PCDH1: variants seen among roughly 807,000 people sequenced by gnomAD.
The protein encoded by PCDH1 is protocadherin-1.
A neutral mutation model predicts 74.6 loss-of-function variants in PCDH1; 23 were observed. That is an observed-to-expected ratio of 0.31 (90% CI 0.22 to 0.44). PCDH1 has a LOEUF of 0.44. Ranked by LOEUF, PCDH1 falls within the 20% of genes least tolerant of loss-of-function variation. PCDH1 has a pLI of 1.00. For synonymous variants in PCDH1, 647 were observed against 686.1 expected (o/e 0.94, Z 0.89); for missense variants, 1,214 against 1,641.4 (o/e 0.74, Z 4.50).
At position 141,864,836 on chromosome 5, in the gene PCDH1, C is replaced by G; in HGVS notation, c.1495G>C (p.Val499Leu). Residue 499 changes from valine (V) to leucine (L), a missense_variant, in exon 3 of 5, where the codon GTC becomes CTC. By Grantham distance (32) the Val-to-Leu change is conservative (BLOSUM62 1). Around this residue, in one of 4 missense-constraint regions of PCDH1, gnomAD observed 836 missense variants for 1,182.2 expected, o/e 0.71. Transcript: ENST00000287008. This position sits in a 1 kb window ranked among gnomAD's most constrained non-coding sequence, Gnocchi z 5.9. The part of the protein sequence containing the change: ...TNSLKVQVVD[V>L]NDNAPVFTQS... ...GTGAAGACAGGTGCGTTGTCATTGACGTCCACCACCTGCACCTTGAGGGAG... is the reference window on the plus strand; with the variant it reads ...GTGAAGACAGGTGCGTTGTCATTGAGGTCCACCACCTGCACCTTGAGGGAG... 1 of 1,614,212 alleles carries G rather than the reference C, an allele frequency of 6.2e-7. No individual in the cohort carries two copies. The highest frequency in any genetic ancestry group is 1.1e-5 in the South Asian group (1 of 91,082).
Position 141,863,497 on chromosome 5 carries a change from G to A in PCDH1, c.2834C>T (p.Ala945Val), listed in dbSNP as rs972785562. 3 of 1,611,444 alleles carry A rather than the reference G, an allele frequency of 1.9e-6. No homozygotes were observed. Among genetic ancestry groups the A allele is most frequent in the East Asian group, 2.2e-5 (1 of 44,830 alleles). The change falls in exon 3 of 5, where the codon GCC becomes GTC. Residue 945 changes from alanine (A) to valine (V), a missense_variant. Ala to Val is a moderately conservative substitution (Grantham distance 64). Around this residue, in one of 4 missense-constraint regions of PCDH1, gnomAD observed 836 missense variants for 1,182.2 expected, o/e 0.71. Coordinates refer to ENST00000287008, the MANE Select transcript of PCDH1 (RefSeq NM_032420.5). The surrounding 1 kb of genome is among the most constrained non-coding windows in gnomAD (Gnocchi z 7.5). Reference protein sequence around the residue: ...KSLKFNLMSDAPGDSPRIHLP... With the variant: ...KSLKFNLMSDVPGDSPRIHLP... ...GTGGATGCGGGGACTGTCCCCAGGG[G>A]CATCGCTCATCAGGTTGAACTTGAG...
intron 3 of PCDH1, among the ~76,000 whole-genome samples, chr5:141,862,432 G>C (rs1473444907): frequency 6.6e-6 from 1 of 152,138 alleles, no homozygotes; most frequent in Admixed American, 6.5e-5. Context: ...ACCTCCATTT[G>C]AAGGCTGGTC....
At position 141,854,478 on chromosome 5, in the gene PCDH1, C is replaced by A. The variant is rs185600926; in HGVS notation, c.3320-42G>T. 4,927 of 1,558,044 alleles carry A rather than the reference C, an allele frequency of 3.2e-3. 15 individuals are homozygous for A. The highest frequency in any genetic ancestry group is 4.0e-3 in the Non-Finnish European group (4,589 of 1,149,842). On this transcript the variant is annotated intron_variant, in intron 4 of 4. Coordinates refer to ENST00000287008, the MANE Select transcript of PCDH1 (RefSeq NM_032420.5). ...GGAAGGACAATTGTCAGACATACAGCCTCTGCAAAGCTCTGCTTCATGGCC... is the reference window on the plus strand; with the variant it reads ...GGAAGGACAATTGTCAGACATACAGACTCTGCAAAGCTCTGCTTCATGGCC...
At chr5:141,855,183 C>G (rs933415044) in intron 4 of PCDH1, among the ~76,000 whole-genome samples, 1 of 151,920 alleles carries the variant, frequency 6.6e-6, no homozygotes, top group Non-Finnish European at 1.5e-5. Context: ...CCATGTTGCC[C>G]AGGCTGGTCT....
chr5:141,854,058 C>A lies in PCDH1; in HGVS notation c.3698G>T (p.Arg1233Leu), dbSNP rs751582329. 6 of 1,501,576 alleles carry A rather than the reference C, an allele frequency of 4.0e-6. No homozygotes were observed. The African/African-American group carries it at 5.6e-5, about 14-fold the overall frequency. The allele number at this position is 1,501,576 out of a possible 1,614,324, so 93.0% of individuals were successfully genotyped here. Residue 1233 changes from arginine to leucine, a missense_variant, in exon 5 of 5, where the codon CGC (arginine) becomes CTC (leucine). By Grantham distance (102) the Arg-to-Leu change is moderately radical. Coordinates refer to ENST00000287008, the MANE Select transcript of PCDH1 (RefSeq NM_032420.5). Reference protein sequence around the residue: ...ATPASAQTAKREIYL With the variant: ...ATPASAQTAKLEIYL ...GTAGGGGGCTCACAGGTAGATCTCG[C>A]GCTTGGCCGTCTGGGCAGATGCCGG...
chr5:141,869,859 A>T lies in PCDH1; in HGVS notation c.41-428T>A. On this transcript the variant is annotated intron_variant, in intron 1 of 4. Transcript: ENST00000287008. The surrounding 1 kb of genome is among the most constrained non-coding windows in gnomAD (Gnocchi z 4.9). ...CCTTGATACTGAGATAGGGAGAGAG[A>T]GCCAGTGGAAGGGTGAGACCTCGAG... 1.0e-6 allele frequency: 1 copy of T among 954,102 alleles called. No homozygotes were observed. The highest frequency in any genetic ancestry group is 1.8e-5 in the African/African-American group (1 of 56,748). 59.1% of individuals were successfully genotyped at this position (954,102 alleles called of 1,614,324 possible).
intron 1 of PCDH1, among the ~76,000 whole-genome samples, chr5:141,872,139 C>G (rs1249099180): frequency 1.4e-5 from 2 of 145,972 alleles, no homozygotes; most frequent in Admixed American, 1.4e-4. Flanking sequence ...CCCCCCCCCT[C>G]CACCTGCATG....
Position 141,868,609 on chromosome 5 carries a change from T to G in PCDH1, c.863A>C (p.Glu288Ala). The change falls in exon 2 of 5, where the codon GAA becomes GCA. Residue 288 changes from glutamate to alanine, a missense_variant. By Grantham distance (107) the Glu-to-Ala change is moderately radical. This residue lies in a region of PCDH1 where 836 missense variants were observed against 1,182.2 expected (regional missense o/e 0.71). Transcript: ENST00000287008. This position sits in a 1 kb window ranked among gnomAD's most constrained non-coding sequence, Gnocchi z 4.8. ...PKFERPSYEA[E>A]LSENSPIGHS... ...GCCTATGGGGCTATTCTCAGATAGTTCGGCCTCATAGGAGGGCCGCTCAAA... is the reference window on the plus strand; with the variant it reads ...GCCTATGGGGCTATTCTCAGATAGTGCGGCCTCATAGGAGGGCCGCTCAAA... The G allele has an allele frequency of 1.3e-6, 2 of 1,577,088 alleles. 1 individual carries two copies. Among genetic ancestry groups the G allele is most frequent in the Middle Eastern group, 3.4e-4 (2 of 5,856 alleles).
At chr5:141,870,321 C>T (rs1753059129) in intron 1 of PCDH1, among the ~76,000 whole-genome samples, 1 of 152,204 alleles carries the variant, frequency 6.6e-6, no homozygotes, top group African/African-American at 2.4e-5. Flanking sequence ...TGCACAGTTG[C>T]TAGGGCTCCT....
rs758154865 is a variant in PCDH1 at position 141,854,160 on chromosome 5, T to C, written c.3596A>G (p.His1199Arg). 6.2e-7 allele frequency: 1 copy of C among 1,604,600 alleles called. No individual in the cohort carries two copies. The highest frequency in any genetic ancestry group is 1.1e-5 in the South Asian group (1 of 90,368). ...PSYSAFSHSSHDSCKDSATLE... is the reference protein window; with the variant it reads ...PSYSAFSHSSRDSCKDSATLE... Reference sequence around the variant, plus strand: ...GGTGGCCGAGTCCTTGCAGGAATCATGGCTACTGTGGGAGAAGGCACTGTA... The same window carrying C: ...GGTGGCCGAGTCCTTGCAGGAATCACGGCTACTGTGGGAGAAGGCACTGTA... Residue 1199 changes from histidine to arginine, a missense_variant, in exon 5 of 5, where the codon CAT (histidine) becomes CGT (arginine). This residue lies in a region of PCDH1 where 194 missense variants were observed against 198.3 expected (regional missense o/e 0.98). Transcript: ENST00000287008.
intron 3 of PCDH1, among the ~76,000 whole-genome samples, chr5:141,860,513 AAAAG>A (rs1220133619): frequency 6.6e-6 from 1 of 151,822 alleles, no homozygotes; most frequent in Non-Finnish European, 1.5e-5. Context: ...AAAAAAAAAA[AAAAG>A]GTTAAACGAA....
chr5:141,872,865 C>G (rs1753127482), intron 1 of PCDH1, among the ~76,000 whole-genome samples: 1 of 152,118 alleles, frequency 6.6e-6, no homozygotes, highest in African/African-American at 2.4e-5. Flanking sequence ...GGGGAAAGGT[C>G]CCAGAAAGTA....
rs1352598082 is a variant in PCDH1 at position 141,869,762 on chromosome 5, T to C, written c.41-331A>G. 5.1e-6 allele frequency: 5 copies of C among 985,322 alleles called. No homozygotes were observed. Among genetic ancestry groups the C allele is most frequent in the Non-Finnish European group, 4.8e-6 (4 of 829,934 alleles). 61.0% of individuals were successfully genotyped at this position (985,322 alleles called of 1,614,324 possible). A position where few individuals can be genotyped will look rare whatever the true frequency, so the allele number is the denominator to read the frequency against. On this transcript the variant is annotated intron_variant, in intron 1 of 4. Transcript: ENST00000287008. The surrounding 1 kb of genome is among the most constrained non-coding windows in gnomAD (Gnocchi z 4.9). Reference sequence around the variant, plus strand: ...CGCCCTCTTTCCTTCTTTTCCTCCTTGCTCTCTGCTCTGTGCTTCACCCAA... The same window carrying C: ...CGCCCTCTTTCCTTCTTTTCCTCCTCGCTCTCTGCTCTGTGCTTCACCCAA...
In PCDH1 at chr5:141,866,760, A is replaced by T. The variant is rs560645442; in HGVS notation, c.904-1333T>A. 2.0e-5 allele frequency among the ~76,000 whole-genome samples: 3 copies of T among 152,274 alleles called. No homozygotes were observed. The East Asian group carries it at 5.8e-4, about 29-fold the overall frequency. ...CATCAAATGGGATAATACAGGTAAA[A>T]ATGCCTGACATTGCCCGGCACAGGG... is the stretch of plus-strand genomic sequence containing the variant. On this transcript the variant is annotated intron_variant, in intron 2 of 4. Transcript: ENST00000287008.
intron 1 of PCDH1, among the ~76,000 whole-genome samples, chr5:141,872,729 G>A (rs1223843340): frequency 1.3e-5 from 2 of 152,222 alleles, no homozygotes; most frequent in Admixed American, 6.5e-5. Flanking sequence ...TCACCCTGAG[G>A]AGTTGTCTTA....
chr5:141,856,837 C>T (rs778776114), intron 4 of PCDH1, among the ~76,000 whole-genome samples: 6 of 152,172 alleles, frequency 3.9e-5, no homozygotes, highest in African/African-American at 1.4e-4. Context: ...TAGAGGACCA[C>T]CACCCACCTT....
intron 1 of PCDH1, among the ~76,000 whole-genome samples, chr5:141,870,538 C>T (rs531631370): frequency 1.1e-4 from 16 of 152,134 alleles, no homozygotes; most frequent in Non-Finnish European, 2.4e-4. Context: ...TGGCCACTCC[C>T]CCACCCCACA....
chr5:141,859,838 G>A (rs758134261), intron 3 of PCDH1, among the ~76,000 whole-genome samples: 1 of 152,096 alleles, frequency 6.6e-6, no homozygotes, highest in Non-Finnish European at 1.5e-5. Context: ...CTAAAACTCA[G>A]TTCATCTAAA....
At chr5:141,855,139 T>G (rs1031806856) in intron 4 of PCDH1, among the ~76,000 whole-genome samples, 2 of 151,768 alleles carry the variant, frequency 1.3e-5, no homozygotes, top group South Asian at 4.2e-4. Flanking sequence ...GCCTGGCTAA[T>G]TTTTTATATT....
Sources: allele counts gnomAD v4.1 joint callset (sites outside exome capture counted in the v4.1 genomes callset), GRCh38; gene constraint gnomAD v4.1.1; regional missense constraint gnomAD v4.1.1; non-coding constraint Gnocchi (gnomAD v3.1); transcripts MANE v1.5; gene names NCBI Gene and HGNC (gene_info 2026-07-23, HGNC 2026-07-21).